ZNF804B: variants seen among roughly 807,000 people sequenced by gnomAD.
The protein encoded by ZNF804B is zinc finger 804B.
A neutral mutation model predicts 101.4 loss-of-function variants in ZNF804B; 80 were observed. The observed-to-expected ratio is 0.79, with a 90% CI of 0.66 to 0.95. ZNF804B has a LOEUF of 0.95. ZNF804B is among the 40% of genes least tolerant of loss of function. The pLI, the probability that ZNF804B is intolerant of heterozygous loss-of-function variation, is 0.00. For synonymous variants in ZNF804B, 622 were observed against 558.8 expected (o/e 1.11, Z -1.59); for missense variants, 1,673 against 1,561.9 (o/e 1.07, Z -1.20).
At chr7:89,023,360 A>G (rs1788698698) in intron 1 of ZNF804B, among the ~76,000 whole-genome samples, 1 of 152,222 alleles carries the variant, frequency 6.6e-6, no homozygotes, top group Non-Finnish European at 1.5e-5. Flanking sequence ...AGATGAATTC[A>G]TTTACTGAGT....
At chr7:89,175,429 G>C (rs1404329539) in intron 1 of ZNF804B, among the ~76,000 whole-genome samples, 1 of 151,792 alleles carries the variant, frequency 6.6e-6, no homozygotes, top group Non-Finnish European at 1.5e-5. Flanking sequence ...CTATTTCATT[G>C]GTCTATGTGT....
chr7:89,206,494 G>A (rs898548122), intron 1 of ZNF804B, among the ~76,000 whole-genome samples: 2 of 152,174 alleles, frequency 1.3e-5, no homozygotes, highest in Admixed American at 6.5e-5. Flanking sequence ...GCTCATGCCT[G>A]TAATCCCAAC....
At chr7:89,211,769 C>T (rs1366101765) in intron 1 of ZNF804B, among the ~76,000 whole-genome samples, 1 of 152,014 alleles carries the variant, frequency 6.6e-6, no homozygotes, top group Non-Finnish European at 1.5e-5. Flanking sequence ...CTTTGAAGTC[C>T]AGTAGCATGA....
chr7:89,228,497 C>T (rs1789131948), intron 2 of ZNF804B, among the ~76,000 whole-genome samples: 1 of 151,850 alleles, frequency 6.6e-6, no homozygotes, highest in African/African-American at 2.4e-5. Context: ...AGTGTCCACA[C>T]AAAGGTTCTC....
At chr7:89,154,287 T>C (rs1187115450) in intron 1 of ZNF804B, among the ~76,000 whole-genome samples, 1 of 152,178 alleles carries the variant, frequency 6.6e-6, no homozygotes, top group Non-Finnish European at 1.5e-5. Flanking sequence ...CTGGTGAGAA[T>C]GTCAATTAGT....
chr7:88,989,878 G>A (rs138449531), intron 1 of ZNF804B, among the ~76,000 whole-genome samples: 1 of 151,980 alleles, frequency 6.6e-6, no homozygotes, highest in African/African-American at 2.4e-5. Flanking sequence ...TTCCCTCTGA[G>A]GAATGATAGT....
At chr7:89,171,349 CT>C (rs1562904544) in intron 1 of ZNF804B, among the ~76,000 whole-genome samples, 53 of 130,804 alleles carry the variant, frequency 4.1e-4, no homozygotes, top group African/African-American at 1.0e-3. Flanking sequence ...TCTTCTTCTT[CT>C]TCTTCTTCCT....
intron 1 of ZNF804B, among the ~76,000 whole-genome samples, chr7:88,896,965 C>T (rs1792298917): frequency 6.6e-6 from 1 of 152,178 alleles, no homozygotes; most frequent in Non-Finnish European, 1.5e-5. Flanking sequence ...GAGTTAATCA[C>T]AAGTTGACTG....
At chr7:89,222,672 GC>G (rs1023913385) in intron 2 of ZNF804B, among the ~76,000 whole-genome samples, 1 of 151,776 alleles carries the variant, frequency 6.6e-6, no homozygotes, top group African/African-American at 2.4e-5. Context: ...TCCCTGAAGT[GC>G]CCTCTTGTCT....
chr7:88,995,026 G>A (rs575975348), intron 1 of ZNF804B, among the ~76,000 whole-genome samples: 1 of 152,114 alleles, frequency 6.6e-6, no homozygotes, highest in Admixed American at 6.6e-5. Context: ...CTTTGTTTTA[G>A]TTCCTGGAAA....
intron 1 of ZNF804B, among the ~76,000 whole-genome samples, chr7:88,804,404 C>CG (rs1487451935): frequency 6.6e-6 from 1 of 152,036 alleles, no homozygotes; most frequent in African/African-American, 2.4e-5. Flanking sequence ...TGGTATGCTT[C>CG]GAAAATACCT....
chr7:88,929,193 T>G (rs1280650648), intron 1 of ZNF804B, among the ~76,000 whole-genome samples: 1 of 151,808 alleles, frequency 6.6e-6, no homozygotes, highest in East Asian at 1.9e-4. Context: ...GAAATTTAAC[T>G]CCCAAGCCTC....
intron 1 of ZNF804B, among the ~76,000 whole-genome samples, chr7:89,057,485 C>T (rs1158599984): frequency 7.4e-6 from 1 of 135,172 alleles, no homozygotes; most frequent in Non-Finnish European, 1.6e-5. Flanking sequence ...ACTAGGAAAG[C>T]AAGGAAAAAC....
intron 1 of ZNF804B, among the ~76,000 whole-genome samples, chr7:88,856,179 C>G (rs1270513733): frequency 6.6e-6 from 1 of 152,116 alleles, no homozygotes; most frequent in African/African-American, 2.4e-5. Context: ...GGCAATGAAT[C>G]TGTAAATTAC....
rs181125616 is a variant in ZNF804B, at chr7:88,926,502, G to A, written c.108+166418G>A. Among the ~76,000 whole-genome samples, 1,241 of 152,092 alleles carry A rather than the reference G, an allele frequency of 8.2e-3. 8 individuals carry two copies. Among genetic ancestry groups the A allele is most frequent in the Non-Finnish European group, 0.013 (901 of 67,984 alleles). On this transcript the variant is annotated intron_variant, in intron 1 of 3. Transcript: ENST00000333190. The stretch of plus-strand genomic sequence containing the variant: ...CCCAGTTACTCAGGAGGCTGAGGTG[G>A]GCTGAGGTGGGAGAATTACTTGAAC...
intron 1 of ZNF804B, among the ~76,000 whole-genome samples, chr7:88,889,759 G>A (rs767857225): frequency 2.3e-4 from 35 of 152,138 alleles, no homozygotes; most frequent in Non-Finnish European, 4.1e-4. Flanking sequence ...TTCTTTTGCT[G>A]TGCAGAAGTT....
intron 1 of ZNF804B, among the ~76,000 whole-genome samples, chr7:89,039,060 T>G (rs1788974029): frequency 6.6e-6 from 1 of 152,080 alleles, no homozygotes; most frequent in Non-Finnish European, 1.5e-5. Flanking sequence ...CACGACATTT[T>G]GATTACGGTA....
rs67446245 is a variant in ZNF804B at position 89,048,226 on chromosome 7, A to AC, written c.109-169929_109-169928insC. ...CAAACACACACACACACACACACAC[A>AC]ATGGAATACTACTCAGCTGTAAAAA... is the stretch of plus-strand genomic sequence containing the variant. On this transcript the variant is annotated intron_variant, in intron 1 of 3. Coordinates refer to ENST00000333190, the MANE Select transcript of ZNF804B (RefSeq NM_181646.5). Among the ~76,000 whole-genome samples, 5 of 150,528 alleles carry AC rather than the reference A, an allele frequency of 3.3e-5. 1 individual carries two copies. Among genetic ancestry groups the AC allele is most frequent in the African/African-American group, 1.2e-4 (5 of 40,142 alleles).
intron 1 of ZNF804B, chr7:88,795,032 G>A (rs991790224): frequency 2.0e-5 from 22 of 1,076,064 alleles, no homozygotes; most frequent in Admixed American, 6.0e-5. Context: ...TGATGAACTC[G>A]TGTTTTTATT....
Sources: allele counts gnomAD v4.1 joint callset (sites outside exome capture counted in the v4.1 genomes callset), GRCh38; gene constraint gnomAD v4.1.1; transcripts MANE v1.5; gene names NCBI Gene and HGNC (gene_info 2026-07-23, HGNC 2026-07-21).